The following MRRF variants were observed in gnomAD, a reference collection of about 807,000 sequenced individuals.
MRRF encodes the protein ribosome-recycling factor, mitochondrial.
Under a neutral mutation model 25.1 loss-of-function variants are expected in MRRF, and 18 were observed. The ratio of observed to expected loss-of-function variants is 0.72; its 90% CI spans 0.50 to 1.06. MRRF has a LOEUF of 1.06. Among genes scored for constraint, MRRF ranks in the 50% least tolerant of loss-of-function variants. MRRF has a pLI of 0.00. For missense variants in MRRF, 323 were observed against 319.3 expected, an observed-to-expected ratio of 1.01 and a Z score of -0.09; for synonymous variants, 113 against 112.1, an observed-to-expected ratio of 1.01 and a Z score of -0.05.
intron 2 of MRRF, among the ~76,000 whole-genome samples, chr9:122,276,878 T>A (rs557261063): frequency 6.6e-6 from 1 of 152,318 alleles, no homozygotes; most frequent in African/African-American, 2.4e-5. Context: ...TCCTTTTTTG[T>A]TGTTTTTTGA....
chr9:122,286,717 A>C (rs943532665), intron 4 of MRRF, among the ~76,000 whole-genome samples: 3 of 152,178 alleles, frequency 2.0e-5, no homozygotes, highest in African/African-American at 4.8e-5. Context: ...TGTATCTTAA[A>C]TAAACAAGGA....
chr9:122,298,250 T>A (rs1490313554), intron 5 of MRRF, among the ~76,000 whole-genome samples: 1 of 152,238 alleles, frequency 6.6e-6, no homozygotes, highest in Non-Finnish European at 1.5e-5. Flanking sequence ...AGTTTAATTA[T>A]ATAATAACCC....
At chr9:122,280,073 G>A (rs995173311) in intron 2 of MRRF, among the ~76,000 whole-genome samples, 19 of 152,150 alleles carry the variant, frequency 1.2e-4, no homozygotes, top group African/African-American at 4.6e-4. Context: ...TGTTCTTTTA[G>A]GTGTTTGAAT....
rs1293233182 is a variant in MRRF at position 122,273,627 on chromosome 9, A to C, written c.184+2552A>C. ...TTCAGTGAATTTTCACAAAGTGAAC[A>C]CAATCATGTACTTATTACCCAAATC... On this transcript the variant is annotated intron_variant, in intron 2 of 6. Transcript: ENST00000344641. 2.6e-5 allele frequency among the ~76,000 whole-genome samples: 4 copies of C among 152,308 alleles called. No individual in the cohort carries two copies. The East Asian group carries it at 7.7e-4, about 29-fold the overall frequency.
intron 6 of MRRF, among the ~76,000 whole-genome samples, chr9:122,317,837 G>A (rs1334151833): frequency 6.6e-6 from 1 of 152,078 alleles, no homozygotes; most frequent in African/African-American, 2.4e-5. Flanking sequence ...AATTTTTGGT[G>A]TATAAGAATG....
At chr9:122,302,524 A>G (rs1392299672) in intron 5 of MRRF, among the ~76,000 whole-genome samples, 1 of 152,182 alleles carries the variant, frequency 6.6e-6, no homozygotes, top group Non-Finnish European at 1.5e-5. Flanking sequence ...ACGTTGTAGC[A>G]CGTGTCAGTA....
intron 3 of MRRF, among the ~76,000 whole-genome samples, chr9:122,283,344 C>T (rs1165405463): frequency 6.6e-6 from 1 of 152,156 alleles, no homozygotes; most frequent in Non-Finnish European, 1.5e-5. Flanking sequence ...CCACCCGCCT[C>T]AGCCTCCCAA....
intron 5 of MRRF, among the ~76,000 whole-genome samples, chr9:122,293,709 A>C (rs984851664): frequency 2.6e-5 from 4 of 152,192 alleles, no homozygotes; most frequent in Non-Finnish European, 5.9e-5. Context: ...TTGCTTAGTG[A>C]ATGTTCTGAG....
chr9:122,275,799 T>A (rs1832735312), intron 2 of MRRF, among the ~76,000 whole-genome samples: 3 of 152,196 alleles, frequency 2.0e-5, no homozygotes, highest in African/African-American at 2.4e-5. Context: ...TGCCACTTTA[T>A]ACACAAACAC....
Position 122,324,841 on chromosome 9 carries a change from A to C in MRRF, c.*2224A>C, listed in dbSNP as rs1408493497. 6.6e-6 allele frequency: 1 copy of C among 152,212 alleles called. No homozygotes were observed. The highest frequency in any genetic ancestry group is 2.4e-5 in the African/African-American group (1 of 41,444). 9.4% of individuals were successfully genotyped at this position (152,212 alleles called of 1,614,324 possible). A position where few individuals can be genotyped will look rare whatever the true frequency, so the allele number is the denominator to read the frequency against. ...TCAAAATTGGGTCAAAGTTAAACTAACACAGTCTCCTGCCCCACTTACCTG... is the reference window on the plus strand; with the variant it reads ...TCAAAATTGGGTCAAAGTTAAACTACCACAGTCTCCTGCCCCACTTACCTG... On this transcript the variant is annotated 3_prime_UTR_variant, in exon 7 of 7. Transcript: ENST00000344641.
chr9:122,291,591 A>C (rs2118801372), intron 4 of MRRF, among the ~76,000 whole-genome samples, 158 bp from the exon 5 acceptor site: 1 of 152,268 alleles, frequency 6.6e-6, no homozygotes, highest in East Asian at 1.9e-4. Context: ...ATTCAGCTTG[A>C]TCAAAGCACT....
chr9:122,296,196 T>C (rs1006275367), intron 5 of MRRF, among the ~76,000 whole-genome samples: 1 of 152,128 alleles, frequency 6.6e-6, no homozygotes, highest in South Asian at 2.1e-4. Context: ...TCTTAGGGGC[T>C]CTGGATTATA....
chr9:122,321,007 T>C (rs563557143), intron 6 of MRRF, among the ~76,000 whole-genome samples: 111 of 152,346 alleles, frequency 7.3e-4, no homozygotes, highest in Admixed American at 2.7e-3. Context: ...TTGGAAAATA[T>C]AGAAAAGCAC....
chr9:122,278,112 C>T (rs1256251240), intron 2 of MRRF, among the ~76,000 whole-genome samples: 1 of 151,614 alleles, frequency 6.6e-6, no homozygotes, highest in Non-Finnish European at 1.5e-5. Context: ...TTCTTCTTTT[C>T]CCATTAGATT....
At chr9:122,285,548 T>C in intron 4 of MRRF, 1 of 452,796 alleles carries the variant, frequency 2.2e-6, no homozygotes, top group South Asian at 2.1e-5. Flanking sequence ...GATGCAGTGA[T>C]TGGTGCTTGG....
At position 122,296,339 on chromosome 9, in the gene MRRF, C is replaced by A. The variant is rs554588042; in HGVS notation, c.551+4499C>A. Among the ~76,000 whole-genome samples the A allele has an allele frequency of 2.0e-5, 3 of 152,274 alleles. No individual in the cohort carries two copies. In the East Asian group the frequency reaches 5.8e-4, roughly 29 times the overall value. On this transcript the variant is annotated intron_variant, in intron 5 of 6. Transcript: ENST00000344641. ...TGGAGATATACTGAAATAGTTTCTT[C>A]TATTTTTCCAATTCATGTAATTACA...
chr9:122,292,137 A>G (rs1322835454), intron 5 of MRRF, among the ~76,000 whole-genome samples: 2 of 152,232 alleles, frequency 1.3e-5, no homozygotes, highest in Non-Finnish European at 2.9e-5. Context: ...ATGAAATGCT[A>G]TGAGGAAAGA....
chr9:122,280,133 CT>C (rs923380776), intron 2 of MRRF, among the ~76,000 whole-genome samples: 27 of 152,264 alleles, frequency 1.8e-4, no homozygotes, highest in African/African-American at 5.1e-4. Context: ...TGTTACTATT[CT>C]TTTACAGGTA....
chr9:122,321,157 T>C (rs1835868659), intron 6 of MRRF, among the ~76,000 whole-genome samples: 2 of 152,252 alleles, frequency 1.3e-5, no homozygotes, highest in African/African-American at 4.8e-5. Flanking sequence ...CCACTATTAA[T>C]ATTTTGACAA....
Sources: gnomAD v4.1 joint callset for allele counts (sites outside exome capture counted in the v4.1 genomes callset) on GRCh38, gnomAD v4.1.1 for gene constraint, MANE v1.5 for transcripts, NCBI Gene and HGNC (gene_info 2026-07-23, HGNC 2026-07-21) for gene names.